Variants in ATP8A1 observed in about 807,000 individuals in gnomAD.
ATP8A1 encodes the protein ATPase phospholipid transporting 8A1.
Under a neutral mutation model 177.7 loss-of-function variants are expected in ATP8A1, and 90 were observed. That is an observed-to-expected ratio of 0.51 (90% CI 0.43 to 0.60). The LOEUF is 0.60. Ranked by LOEUF, ATP8A1 falls within the 20% of genes least tolerant of loss-of-function variation. ATP8A1 has a pLI of 0.00. For synonymous variants in ATP8A1, 493 were observed against 485.9 expected (o/e 1.01, Z -0.19); for missense variants, 1,072 against 1,392.8 (o/e 0.77, Z 3.67).
At chr4:42,448,346 T>C (rs1717505140) in intron 30 of ATP8A1, among the ~76,000 whole-genome samples, 1 of 150,680 alleles carries the variant, frequency 6.6e-6, no homozygotes, top group Non-Finnish European at 1.5e-5. Flanking sequence ...TGGATAGTCT[T>C]TGATACTACA....
At chr4:42,584,403 T>C (rs561742854) in intron 9 of ATP8A1, among the ~76,000 whole-genome samples, 3 of 152,366 alleles carry the variant, frequency 2.0e-5, no homozygotes, top group African/African-American at 7.2e-5. Context: ...TCAACTCTTC[T>C]TCCATTTTCT....
chr4:42,492,110 T>C (rs1435976261), intron 24 of ATP8A1, among the ~76,000 whole-genome samples: 2 of 152,166 alleles, frequency 1.3e-5, no homozygotes, highest in African/African-American at 2.4e-5. Context: ...TGTCTATCAG[T>C]AAGACTAACC....
chr4:42,630,526 TTGTC>T (rs949725731), intron 1 of ATP8A1, among the ~76,000 whole-genome samples: 11 of 152,048 alleles, frequency 7.2e-5, no homozygotes, highest in Admixed American at 6.6e-5. Context: ...GAAGCCTTCT[TTGTC>T]TGTAAAGTCA....
At chr4:42,604,490 T>C (rs1735601820) in intron 5 of ATP8A1, among the ~76,000 whole-genome samples, 1 of 152,186 alleles carries the variant, frequency 6.6e-6, no homozygotes, top group Admixed American at 6.5e-5. Flanking sequence ...TTATCTGTCA[T>C]AGGATCATAT....
chr4:42,638,686 G>A (rs933152741), intron 1 of ATP8A1, among the ~76,000 whole-genome samples: 3 of 152,210 alleles, frequency 2.0e-5, no homozygotes, highest in Admixed American at 2.0e-4. Flanking sequence ...ATAACCCACA[G>A]ATAACTTTAT....
rs1282209742 is a variant in ATP8A1, at chr4:42,411,471, C to A, written c.*1445G>T. ...TGAGTAAAAGGCAAATAGTTTGCTT[C>A]AATCTCTGAAGTGTATCTGAAAACT... On this transcript the variant is annotated 3_prime_UTR_variant, in exon 37 of 37. Transcript: ENST00000381668. 4 of 152,124 alleles carry A rather than the reference C, an allele frequency of 2.6e-5. No individual in the cohort carries two copies. The highest frequency in any genetic ancestry group is 9.7e-5 in the African/African-American group (4 of 41,420). 9.4% of individuals were successfully genotyped at this position (152,124 alleles called of 1,614,324 possible). A position where few individuals can be genotyped will look rare whatever the true frequency, so the allele number is the denominator to read the frequency against.
intron 20 of ATP8A1, among the ~76,000 whole-genome samples, chr4:42,539,252 G>T (rs73235599): frequency 2.0e-5 from 3 of 151,878 alleles, no homozygotes; most frequent in Non-Finnish European, 2.9e-5. Flanking sequence ...TTGGGACCTG[G>T]GGGGAGAGGA....
chr4:42,479,637 T>C (rs890280429), intron 25 of ATP8A1, among the ~76,000 whole-genome samples: 1 of 152,238 alleles, frequency 6.6e-6, no homozygotes, highest in Admixed American at 6.5e-5. Flanking sequence ...TTGTAAAGCT[T>C]TGGGGAGGCC....
At chr4:42,590,269 C>T (rs996017204) in intron 7 of ATP8A1, among the ~76,000 whole-genome samples, 7 of 152,070 alleles carry the variant, frequency 4.6e-5, no homozygotes, top group Non-Finnish European at 7.4e-5. Context: ...CCAAAGCATG[C>T]GGTACAAAAT....
rs552135196 is a variant in ATP8A1, at chr4:42,409,660, A to C, written c.*3256T>G. On this transcript the variant is annotated 3_prime_UTR_variant, in exon 37 of 37. Coordinates refer to ENST00000381668, the MANE Select transcript of ATP8A1 (RefSeq NM_006095.2). ...AAACACGATTATTTAGCTTTGTAGT[A>C]ATTATGACATTGTCATAATTTTAAA... 6 of 152,288 alleles carry C rather than the reference A, an allele frequency of 3.9e-5. No individual in the cohort carries two copies. Among genetic ancestry groups the C allele is most frequent in the African/African-American group, 1.4e-4 (6 of 41,590 alleles). The allele number at this position is 152,288 out of a possible 1,614,324, so 9.4% of individuals were successfully genotyped here. A position where few individuals can be genotyped will look rare whatever the true frequency, so the allele number is the denominator to read the frequency against.
rs1168001629 is a variant in ATP8A1, at chr4:42,588,309, T to G, written c.545A>C (p.Tyr182Ser). Residue 182 changes from tyrosine (Y) to serine (S), a missense_variant, in exon 8 of 37, where the codon TAC (tyrosine) becomes TCC (serine). Tyr to Ser is a moderately radical substitution (Grantham distance 144). Transcript: ENST00000381668. Reference protein sequence around the residue: ...LSSSEPQAMCYIETSNLDGET... With the variant: ...LSSSEPQAMCSIETSNLDGET... ...ACCATCTAAGTTGGATGTTTCAATG[T>G]AGCACATGGCTTGGGGCTCACTGTA... is the stretch of plus-strand genomic sequence containing the variant. 6.2e-7 allele frequency: 1 copy of G among 1,613,904 alleles called. No homozygotes were observed. Among genetic ancestry groups the G allele is most frequent in the Non-Finnish European group, 8.5e-7 (1 of 1,179,878 alleles).
chr4:42,571,051 C>G (rs1458784716), intron 14 of ATP8A1, among the ~76,000 whole-genome samples: 1 of 152,122 alleles, frequency 6.6e-6, no homozygotes, highest in Non-Finnish European at 1.5e-5. Context: ...TCACATACAT[C>G]AACACTTGAG....
intron 6 of ATP8A1, 51 bp downstream of exon 6, chr4:42,600,427 T>A: frequency 2.7e-6 from 4 of 1,505,472 alleles, no homozygotes; most frequent in East Asian, 2.3e-5. Flanking sequence ...TATACTAGAG[T>A]ACACCGCTAT....
At chr4:42,588,052 T>G (rs1402164994) in intron 8 of ATP8A1, among the ~76,000 whole-genome samples, 2 of 152,208 alleles carry the variant, frequency 1.3e-5, no homozygotes, top group African/African-American at 4.8e-5. Flanking sequence ...AATATATCTA[T>G]AAGATAGATC....
chr4:42,561,174 C>G (rs1455095054), intron 15 of ATP8A1, among the ~76,000 whole-genome samples: 1 of 152,206 alleles, frequency 6.6e-6, no homozygotes, highest in African/African-American at 2.4e-5. Flanking sequence ...AGTGCACTTG[C>G]TTTTTATCCA....
chr4:42,495,119 A>G (rs193093177), intron 24 of ATP8A1, among the ~76,000 whole-genome samples: 31 of 152,372 alleles, frequency 2.0e-4, no homozygotes, highest in African/African-American at 7.5e-4. Flanking sequence ...CCTCATCATC[A>G]TTTAAGACGT....
intron 9 of ATP8A1, among the ~76,000 whole-genome samples, chr4:42,582,443 G>C (rs1026437454): frequency 5.9e-5 from 9 of 151,524 alleles, no homozygotes; most frequent in Non-Finnish European, 1.3e-4. Flanking sequence ...TGGGGATAAG[G>C]AATCTGTCTA....
At chr4:42,635,780 C>CATATATATAT (rs1317800276) in intron 1 of ATP8A1, among the ~76,000 whole-genome samples, 1,027 of 43,008 alleles carry the variant, frequency 0.024, 23 homozygotes, top group Middle Eastern at 0.047. Context: ...CACACACACA[C>CATATATATAT]ACATATATAT....
intron 5 of ATP8A1, among the ~76,000 whole-genome samples, chr4:42,608,814 T>C (rs1242538541): frequency 6.6e-6 from 1 of 152,218 alleles, no homozygotes; most frequent in Non-Finnish European, 1.5e-5. Context: ...AGGACTGTAG[T>C]ATAGCTGAGA....
Sources: gnomAD v4.1 joint callset for allele counts (sites outside exome capture counted in the v4.1 genomes callset) on GRCh38, gnomAD v4.1.1 for gene constraint, MANE v1.5 for transcripts, NCBI Gene and HGNC (gene_info 2026-07-23, HGNC 2026-07-21) for gene names.